CEMIP2: variants seen among roughly 807,000 people sequenced by gnomAD.
CEMIP2 encodes cell migration inducing hyaluronidase 2, also known as cell surface hyaluronidase CEMIP2.
In CEMIP2, 79 loss-of-function variants were observed where a neutral mutation model predicts 146.9. That is an observed-to-expected ratio of 0.54 (90% CI 0.45 to 0.65). CEMIP2 has a LOEUF of 0.65. Ranked by LOEUF, CEMIP2 falls within the 30% of genes least tolerant of loss-of-function variation. CEMIP2 has a pLI of 0.00. For missense variants in CEMIP2, 1,596 were observed against 1,696.2 expected, an observed-to-expected ratio of 0.94 and a Z score of 1.04; for synonymous variants, 601 against 606.3, an observed-to-expected ratio of 0.99 and a Z score of 0.13.
At chr9:71,710,748 G>A (rs1180603313) in intron 16 of CEMIP2, among the ~76,000 whole-genome samples, 2 of 152,130 alleles carry the variant, frequency 1.3e-5, no homozygotes, top group African/African-American at 2.4e-5. Flanking sequence ...TCTCCGTACT[G>A]GACAGGGGAT....
rs766190097 is a variant in CEMIP2 at position 71,745,206 on chromosome 9, A to G, written c.846T>C (p.Ser282=). ...GGTATTCATGGGTATCAAATCTCTC[A>G]CTTTCCAAAATTTTGGCCGTGTCTT... The part of the protein sequence containing the change: ...IDQDTAKILE[S]ERFDTHEYRN... The change falls in exon 4 of 24, where the codon AGT becomes AGC. Residue 282 remains serine (S), a synonymous_variant. Transcript: ENST00000377044. The G allele has an allele frequency of 4.1e-5, 66 of 1,613,934 alleles. No homozygotes were observed. The highest frequency in any genetic ancestry group is 5.4e-5 in the Non-Finnish European group (64 of 1,179,976).
intron 17 of CEMIP2, among the ~76,000 whole-genome samples, chr9:71,705,140 A>T (rs1012485256): frequency 6.6e-6 from 1 of 152,226 alleles, no homozygotes; most frequent in Non-Finnish European, 1.5e-5. Context: ...ATACAAAAAA[A>T]AATTAGTAAA....
intron 5 of CEMIP2, among the ~76,000 whole-genome samples, chr9:71,737,532 A>G (rs1564018031): frequency 1.3e-5 from 2 of 152,208 alleles, no homozygotes; most frequent in Non-Finnish European, 2.9e-5. Flanking sequence ...AGGAACAACC[A>G]ATAATATGTA....
intron 15 of CEMIP2, among the ~76,000 whole-genome samples, chr9:71,714,530 T>C (rs1410981): frequency 0.62 from 94,452 of 151,968 alleles, 30,083 homozygotes; most frequent in East Asian, 0.71. Flanking sequence ...TTTCCAGTAG[T>C]TATTTCTGAA....
chr9:71,723,006 T>C (rs192170067), intron 11 of CEMIP2, among the ~76,000 whole-genome samples: 2 of 149,860 alleles, frequency 1.3e-5, no homozygotes, highest in East Asian at 3.9e-4. Flanking sequence ...TGGAGAGAAA[T>C]TAAGCAAAAG....
At chr9:71,747,791 C>A (rs574476244) in intron 2 of CEMIP2, among the ~76,000 whole-genome samples, 2 of 152,124 alleles carry the variant, frequency 1.3e-5, no homozygotes, top group African/African-American at 4.8e-5. Context: ...TCTCACAATG[C>A]CCTAGGTTTA....
intron 4 of CEMIP2, among the ~76,000 whole-genome samples, chr9:71,743,619 T>C (rs975136080): frequency 1.7e-4 from 26 of 152,156 alleles, no homozygotes; most frequent in Non-Finnish European, 3.1e-4. Flanking sequence ...CACGCTCCCA[T>C]TGCACCCTGT....
intron 2 of CEMIP2, 108 bp downstream of exon 2, chr9:71,749,935 T>C: frequency 1.1e-6 from 1 of 873,424 alleles, no homozygotes; most frequent in Non-Finnish European, 1.7e-6. Flanking sequence ...CCTAACTACA[T>C]ATTAGTTAGC....
At chr9:71,765,227 G>A (rs1321832756) in intron 1 of CEMIP2, among the ~76,000 whole-genome samples, 1 of 151,956 alleles carries the variant, frequency 6.6e-6, no homozygotes, top group Non-Finnish European at 1.5e-5. Flanking sequence ...TTCTGGAAAG[G>A]GCCAATAAAA....
chr9:71,735,122 G>C, intron 5 of CEMIP2, 128 bp from the exon 6 acceptor site: 1 of 1,059,200 alleles, frequency 9.4e-7, no homozygotes, highest in Non-Finnish European at 1.3e-6. Flanking sequence ...AAATTTTTAC[G>C]CATGCTACCA....
chr9:71,724,216 C>T (rs573073793), intron 11 of CEMIP2, among the ~76,000 whole-genome samples: 9 of 152,128 alleles, frequency 5.9e-5, no homozygotes, highest in Admixed American at 4.6e-4. Context: ...ATTGCCTGAA[C>T]CCAGGAGGCA....
intron 5 of CEMIP2, among the ~76,000 whole-genome samples, chr9:71,737,898 T>C (rs570353288): frequency 1.3e-5 from 2 of 152,280 alleles, no homozygotes; most frequent in African/African-American, 4.8e-5. Flanking sequence ...AGCTAATAGT[T>C]GTTGAGATCC....
At chr9:71,701,271 A>T (rs3780607) in intron 18 of CEMIP2, among the ~76,000 whole-genome samples, 96 of 151,868 alleles carry the variant, frequency 6.3e-4, no homozygotes, top group Non-Finnish European at 1.1e-3. Context: ...ATGCACGGCT[A>T]ATTTTTGTAC....
In CEMIP2 at chr9:71,730,098, C is replaced by T. The variant is rs765586080; in HGVS notation, c.1929G>A (p.Met643Ile). Reference protein sequence around the residue: ...TDRNNSMCTTMRDKVFGNYIP... With the variant: ...TDRNNSMCTTIRDKVFGNYIP... The stretch of plus-strand genomic sequence containing the variant: ...TGTAATTTCCAAACACTTTATCTCG[C>T]ATGGTGGTACACATGGAGTTGTTCC... The change falls in exon 9 of 24, where the codon ATG becomes ATA. Residue 643 changes from methionine (M) to isoleucine (I), a missense_variant. Physicochemically the swap from Met to Ile is conservative, Grantham distance 10 (BLOSUM62 1). Transcript: ENST00000377044. 6.2e-7 allele frequency: 1 copy of T among 1,614,146 alleles called. No individual in the cohort carries two copies. The highest frequency in any genetic ancestry group is 1.1e-5 in the South Asian group (1 of 91,078).
At chr9:71,756,272 G>A (rs930707115) in intron 1 of CEMIP2, among the ~76,000 whole-genome samples, 4 of 142,444 alleles carry the variant, frequency 2.8e-5, no homozygotes, top group African/African-American at 7.7e-5. Flanking sequence ...ATATACACAC[G>A]TATATGTATA....
rs1001194416 is a variant in CEMIP2, at chr9:71,702,349, A to G, written c.3195-1525T>C. ...AAGAATAACTAGAAAATGCAGACAA[A>G]AGATAGAAAAGATGTTCTATGAATT... is the stretch of plus-strand genomic sequence containing the variant. On this transcript the variant is annotated intron_variant, in intron 18 of 23. Transcript: ENST00000377044. 1.3e-4 allele frequency among the ~76,000 whole-genome samples: 20 copies of G among 151,852 alleles called. 1 individual carries two copies. The highest frequency in any genetic ancestry group is 4.6e-4 in the African/African-American group (19 of 41,336).
chr9:71,694,456 G>A (rs1822334231), intron 21 of CEMIP2, 53 bp downstream of exon 21: 2 of 1,421,396 alleles, frequency 1.4e-6, no homozygotes, highest in Non-Finnish European at 2.0e-6. Context: ...CTAGTTTATG[G>A]CATTTTGTTA....
chr9:71,690,313 T>C, intron 21 of CEMIP2, 67 bp from the exon 22 acceptor site: 1 of 1,553,182 alleles, frequency 6.4e-7, no homozygotes, highest in Non-Finnish European at 8.8e-7. Flanking sequence ...TGACTCATTT[T>C]TCCGGCCCTT....
At chr9:71,728,627 T>G (rs1232982767) in intron 10 of CEMIP2, among the ~76,000 whole-genome samples, 1 of 152,000 alleles carries the variant, frequency 6.6e-6, no homozygotes, top group African/African-American at 2.4e-5. Flanking sequence ...TAAAAATTAT[T>G]CTCATGTGTG....
Sources: gnomAD v4.1 joint callset for allele counts (sites outside exome capture counted in the v4.1 genomes callset) on GRCh38, gnomAD v4.1.1 for gene constraint, MANE v1.5 for transcripts, NCBI Gene and HGNC (gene_info 2026-07-23, HGNC 2026-07-21) for gene names.